HCN1: variants seen among roughly 807,000 people sequenced by gnomAD.
HCN1 encodes the protein hyperpolarization activated cyclic nucleotide gated potassium channel 1, also known as potassium/sodium hyperpolarization-activated cyclic nucleotide-gated channel 1.
A neutral mutation model predicts 78.9 loss-of-function variants in HCN1; 13 were observed. The ratio of observed to expected loss-of-function variants is 0.16; its 90% confidence interval spans 0.11 to 0.26. HCN1 has a LOEUF of 0.26. Among genes scored for constraint, HCN1 ranks in the 10% least tolerant of loss-of-function variants. HCN1 has a pLI of 1.00. For missense variants in HCN1, 810 were observed against 1,154.3 expected, an observed-to-expected ratio of 0.70 and a Z score of 4.32; for synonymous variants, 552 against 455.5, an observed-to-expected ratio of 1.21 and a Z score of -2.70.
At chr5:45,353,913 T>C (rs1414307902) in intron 4 of HCN1, among the ~76,000 whole-genome samples, 1 of 151,988 alleles carries the variant, frequency 6.6e-6, no homozygotes, top group East Asian at 1.9e-4. Context: ...AGGCGTCAAC[T>C]GTGATTGTTT....
intron 2 of HCN1, among the ~76,000 whole-genome samples, chr5:45,532,205 G>T (rs1447235604): frequency 5.9e-5 from 9 of 152,076 alleles, no homozygotes; most frequent in Non-Finnish European, 5.9e-5. Context: ...CTAGACTGTA[G>T]GCTCTTCAAA....
chr5:45,387,959 T>C (rs1747961543), intron 4 of HCN1, among the ~76,000 whole-genome samples: 1 of 152,194 alleles, frequency 6.6e-6, no homozygotes, highest in African/African-American at 2.4e-5. Flanking sequence ...TTCGTGCAAC[T>C]TTCCATTTGA....
intron 3 of HCN1, among the ~76,000 whole-genome samples, chr5:45,398,403 T>C (rs1739725452): frequency 1.3e-5 from 2 of 152,118 alleles, no homozygotes; most frequent in African/African-American, 4.8e-5. Context: ...ACTCATCTCA[T>C]TTATAGCTCA....
At chr5:45,539,487 C>A (rs1320394685) in intron 2 of HCN1, among the ~76,000 whole-genome samples, 3 of 150,764 alleles carry the variant, frequency 2.0e-5, no homozygotes, top group Non-Finnish European at 4.4e-5. Context: ...ACGGTGAAAC[C>A]CCGTCTCTAC....
At chr5:45,685,393 G>A (rs187733153) in intron 1 of HCN1, among the ~76,000 whole-genome samples, 40 of 152,250 alleles carry the variant, frequency 2.6e-4, no homozygotes, top group African/African-American at 7.5e-4. Context: ...AGATTAAACT[G>A]GAAAATTTTG....
chr5:45,600,770 A>G (rs1269117759), intron 2 of HCN1, among the ~76,000 whole-genome samples: 1 of 152,182 alleles, frequency 6.6e-6, no homozygotes, highest in East Asian at 1.9e-4. Flanking sequence ...TGAATGTCAA[A>G]TAAGTATTCC....
chr5:45,477,496 C>T (rs1659015987), intron 2 of HCN1, among the ~76,000 whole-genome samples: 1 of 152,024 alleles, frequency 6.6e-6, no homozygotes, highest in African/African-American at 2.4e-5. Flanking sequence ...AAAAAAATAG[C>T]TCATAGTTTT....
At chr5:45,310,235 G>C (rs764009480) in intron 5 of HCN1, among the ~76,000 whole-genome samples, 1 of 151,906 alleles carries the variant, frequency 6.6e-6, no homozygotes, top group South Asian at 2.1e-4. Context: ...GACAACCTGT[G>C]GAATGGCAGA....
At chr5:45,470,265 C>A (rs781129951) in intron 2 of HCN1, among the ~76,000 whole-genome samples, 1 of 151,908 alleles carries the variant, frequency 6.6e-6, no homozygotes, top group African/African-American at 2.4e-5. Flanking sequence ...TTGGCATATA[C>A]CTTCCAAAAG....
At chr5:45,593,336 T>TCACACACACACA (rs1430238040) in intron 2 of HCN1, among the ~76,000 whole-genome samples, 5 of 136,322 alleles carry the variant, frequency 3.7e-5, no homozygotes. Flanking sequence ...TCTCTCTCTC[T>TCACACACACACA]CTCTCACACA....
chr5:45,341,567 C>G (rs894438301), intron 5 of HCN1, among the ~76,000 whole-genome samples: 8 of 152,004 alleles, frequency 5.3e-5, no homozygotes, highest in Admixed American at 3.9e-4. Context: ...ATAATGGCTG[C>G]CAAGAGATGG....
intron 2 of HCN1, among the ~76,000 whole-genome samples, chr5:45,509,585 C>T (rs907455997): frequency 3.9e-5 from 6 of 152,076 alleles, no homozygotes; most frequent in African/African-American, 1.4e-4. Flanking sequence ...AAAGATAGGA[C>T]TTCATTTAAA....
At chr5:45,619,510 A>C (rs1745018235) in intron 2 of HCN1, among the ~76,000 whole-genome samples, 1 of 152,126 alleles carries the variant, frequency 6.6e-6, no homozygotes, top group African/African-American at 2.4e-5. Context: ...ATCGAATAGG[A>C]ACTGAATAAA....
At position 45,630,633 on chromosome 5, in the gene HCN1, T is replaced by C. The variant is rs906585747; in HGVS notation, c.849+14552A>G. ...TCTGTATACCTAAGCTATGAGGACT[T>C]AAGTTTCTTGAAAAATCCCTTACAT... is the stretch of plus-strand genomic sequence containing the variant. On this transcript the variant is annotated intron_variant, in intron 2 of 7. Coordinates refer to ENST00000303230, the MANE Select transcript of HCN1 (RefSeq NM_021072.4). Among the ~76,000 whole-genome samples, 3 of 152,180 alleles carry C rather than the reference T, an allele frequency of 2.0e-5. No individual in the cohort carries two copies. The East Asian group carries it at 5.8e-4, about 29-fold the overall frequency.
At chr5:45,599,204 G>A (rs1175164942) in intron 2 of HCN1, among the ~76,000 whole-genome samples, 5 of 152,096 alleles carry the variant, frequency 3.3e-5, no homozygotes, top group Non-Finnish European at 7.4e-5. Context: ...TGTGGCATGT[G>A]TACACCATGG....
At chr5:45,280,474 A>G (rs1745135034) in intron 6 of HCN1, among the ~76,000 whole-genome samples, 2 of 152,220 alleles carry the variant, frequency 1.3e-5, no homozygotes, top group South Asian at 4.1e-4. Flanking sequence ...ATTTTGGGCC[A>G]GATAATTTTT....
rs376304053 is a variant in HCN1, at chr5:45,340,648, G to GT, written c.1377+12451dup. On this transcript the variant is annotated intron_variant, in intron 5 of 7. Transcript: ENST00000303230. ...TTAAAAAGCAAAATATGTTGATAGA[G>GT]TTTTTTTTTTTAAACAACTGATACC... Among the ~76,000 whole-genome samples the GT allele has an allele frequency of 3.1e-3, 456 of 147,228 alleles. 2 individuals carry two copies. The highest frequency in any genetic ancestry group is 7.0e-3 in the Middle Eastern group (2 of 284).
chr5:45,502,241 G>A (rs1172290256), intron 2 of HCN1, among the ~76,000 whole-genome samples: 2 of 151,816 alleles, frequency 1.3e-5, no homozygotes, highest in Non-Finnish European at 2.9e-5. Context: ...GCCGAGGCGG[G>A]CGGATCATCT....
intron 6 of HCN1, among the ~76,000 whole-genome samples, chr5:45,273,958 A>C (rs1358068583): frequency 6.6e-6 from 1 of 152,154 alleles, no homozygotes; most frequent in African/African-American, 2.4e-5. Context: ...ATTTGAATAG[A>C]AATCGAAAGA....
Sources: gnomAD v4.1 joint callset for allele counts (sites outside exome capture counted in the v4.1 genomes callset) on GRCh38, gnomAD v4.1.1 for gene constraint, MANE v1.5 for transcripts, NCBI Gene and HGNC (gene_info 2026-07-23, HGNC 2026-07-21) for gene names.